The following LTB variants were observed in gnomAD, a reference collection of about 807,000 sequenced individuals.
LTB encodes lymphotoxin beta, also known as lymphotoxin-beta.
LTB carries 17 observed loss-of-function variants against 14.7 expected under a neutral mutation model. That is an observed-to-expected ratio of 1.16 (90% CI 0.79 to 1.73). The LOEUF is 1.73. LTB is among the 40% of genes most tolerant of loss of function. LTB has a pLI of 0.00. For synonymous variants in LTB, 163 were observed against 157.3 expected (o/e 1.04, Z -0.27); for missense variants, 288 against 324.3 (o/e 0.89, Z 0.86).
In LTB at chr6:31,580,972, T is replaced by C; in HGVS notation, c.472A>G (p.Thr158Ala). The change falls in exon 4 of 4, where the codon ACG (threonine) becomes GCG (alanine). Residue 158 changes from threonine to alanine, a missense_variant. Around this residue, in one of 2 missense-constraint regions of LTB, gnomAD observed 284 missense variants for 299.2 expected, o/e 0.95. Transcript: ENST00000429299. This position sits in a 1 kb window ranked among gnomAD's most constrained non-coding sequence, Gnocchi z 6.6. Reference sequence around the variant, plus strand: ...GCCCGGTACAGAGAGCTGCGCAGCGTGACCGAGCGGCCCTGGGGGTCCCCG... The same window carrying C: ...GCCCGGTACAGAGAGCTGCGCAGCGCGACCGAGCGGCCCTGGGGGTCCCCG... The part of the protein sequence containing the change: ...GGGDPQGRSV[T>A]LRSSLYRAGG... 1 of 1,565,082 alleles carries C rather than the reference T, an allele frequency of 6.4e-7. No homozygotes were observed. The highest frequency in any genetic ancestry group is 1.2e-5 in the South Asian group (1 of 86,386).
intron 2 of LTB, 42 bp from the exon 3 acceptor site, chr6:31,581,672 A>T (rs527721339): frequency 6.3e-7 from 1 of 1,596,580 alleles, no homozygotes; most frequent in Admixed American, 1.7e-5. Flanking sequence ...CAGGGCAGCC[A>T]CCCATGCAGG....
At position 31,581,828 on chromosome 6, in the gene LTB, G is replaced by T. The variant is rs566235016; in HGVS notation, c.194C>A (p.Ala65Asp). Residue 65 changes from alanine (A) to aspartate (D), a missense_variant, in exon 2 of 4, where the codon GCC (alanine) becomes GAC (aspartate). Ala to Asp is a moderately radical substitution (Grantham distance 126). Around this residue, in one of 2 missense-constraint regions of LTB, gnomAD observed 284 missense variants for 299.2 expected, o/e 0.95. Coordinates refer to ENST00000429299, the MANE Select transcript of LTB (RefSeq NM_002341.2). The part of the protein sequence containing the change: ...VTETADPGAQ[A>D]QQGLGFQKLP... ...TCTGCTCTTACCCAGTCCTTGCTGG[G>T]CCTGTGCCCCGGGGTCGGCCGTCTC... 9.3e-6 allele frequency: 15 copies of T among 1,605,820 alleles called. No homozygotes were observed. The Admixed American group carries it at 1.0e-4, about 11-fold the overall frequency.
At chr6:31,581,982 C>G (rs1771568315) in intron 1 of LTB, 123 bp from the exon 2 acceptor site, 4 of 1,008,292 alleles carry the variant, frequency 4.0e-6, no homozygotes, top group Admixed American at 2.4e-5. Flanking sequence ...CCAACACACA[C>G]CTCCTTAGAA....
In LTB at chr6:31,581,629, C is replaced by G. The variant is rs765766320; in HGVS notation, c.210G>C (p.Gly70=). The part of the protein sequence containing the change: ...DPGAQAQQGL[G]FQKLPEEEPE... ...GCTCCTCCTCTGGCAGCTTCTGAAA[C>G]CCTGGAAGGGGCAAAGAGTCCACGA... The change falls in exon 3 of 4, where the codon GGG becomes GGC. Residue 70 remains glycine, a splice_region_variant and synonymous_variant. Coordinates refer to ENST00000429299, the MANE Select transcript of LTB (RefSeq NM_002341.2). 1 of 1,612,936 alleles carries G rather than the reference C, an allele frequency of 6.2e-7. No homozygotes were observed. Among genetic ancestry groups the G allele is most frequent in the Non-Finnish European group, 8.5e-7 (1 of 1,179,960 alleles).
Position 31,581,863 on chromosome 6 carries a change from G to C in LTB, c.163-4C>G, listed in dbSNP as rs572578191. 6.3e-7 allele frequency: 1 copy of C among 1,585,758 alleles called. No individual in the cohort carries two copies. Among genetic ancestry groups the C allele is most frequent in the Non-Finnish European group, 8.6e-7 (1 of 1,167,998 alleles). On this transcript the variant is annotated splice_region_variant and splice_polypyrimidine_tract_variant and intron_variant, in intron 1 of 3. Transcript: ENST00000429299. ...CGGGGTCGGCCGTCTCCGTTACCTGGTTGGGTGGGGTCACAGTGCCCAGAG... is the reference window on the plus strand; with the variant it reads ...CGGGGTCGGCCGTCTCCGTTACCTGCTTGGGTGGGGTCACAGTGCCCAGAG...
Position 31,581,622 on chromosome 6 carries a change from T to G in LTB, c.217A>C (p.Lys73Gln), listed in dbSNP as rs1303905789. Residue 73 changes from lysine to glutamine, a missense_variant, in exon 3 of 4, where the codon AAG becomes CAG. By Grantham distance (53) the Lys-to-Gln change is moderately conservative. Coordinates refer to ENST00000429299, the MANE Select transcript of LTB (RefSeq NM_002341.2). ...GTTTCTGGCTCCTCCTCTGGCAGCT[T>G]CTGAAACCCTGGAAGGGGCAAAGAG... ...AQAQQGLGFQ[K>Q]LPEEEPETDL... The G allele has an allele frequency of 6.2e-7, 1 of 1,612,820 alleles. No individual in the cohort carries two copies. Among genetic ancestry groups the G allele is most frequent in the Admixed American group, 1.7e-5 (1 of 60,006 alleles).
chr6:31,581,811 T>C lies in LTB; in HGVS notation c.208+3A>G, dbSNP rs751117037. 5 of 1,610,972 alleles carry C rather than the reference T, an allele frequency of 3.1e-6. No individual in the cohort carries two copies. The highest frequency in any genetic ancestry group is 1.3e-5 in the African/African-American group (1 of 74,930). Reference sequence around the variant, plus strand: ...CGGGGAAGGAGAGACAGTCTGCTCTTACCCAGTCCTTGCTGGGCCTGTGCC... The same window carrying C: ...CGGGGAAGGAGAGACAGTCTGCTCTCACCCAGTCCTTGCTGGGCCTGTGCC... On this transcript the variant is annotated splice_donor_region_variant and intron_variant, in intron 2 of 3. Transcript: ENST00000429299.
chr6:31,581,416 CG>C, intron 3 of LTB, 142 bp downstream of exon 3: 1 of 861,682 alleles, frequency 1.2e-6, no homozygotes, highest in Non-Finnish European at 1.9e-6. Context: ...CGGGGACGAG[CG>C]TAAGAGTGGG....
rs1274399710 is a variant in LTB, at chr6:31,581,539, C to T, written c.280+20G>A. The T allele has an allele frequency of 6.2e-7, 1 of 1,608,958 alleles. No individual in the cohort carries two copies. Among genetic ancestry groups the T allele is most frequent in the Non-Finnish European group, 8.5e-7 (1 of 1,176,322 alleles). ...CCTTCGGATTATTTACACTCTTATT[C>T]AGGTCTTGGAGGTCCTTACCTATGA... On this transcript the variant is annotated intron_variant, in intron 3 of 3. Transcript: ENST00000429299.
Position 31,580,682 on chromosome 6 carries a change from G to A in LTB, c.*27C>T. ...GGGCGTCCGGGCCCCCAATATTCAC[G>A]CACTCGCACCACGCACTCATATTCC... On this transcript the variant is annotated 3_prime_UTR_variant, in exon 4 of 4. Coordinates refer to ENST00000429299, the MANE Select transcript of LTB (RefSeq NM_002341.2). This position sits in a 1 kb window ranked among gnomAD's most constrained non-coding sequence, Gnocchi z 6.6. 1.3e-6 allele frequency: 2 copies of A among 1,565,838 alleles called. No individual in the cohort carries two copies. The highest frequency in any genetic ancestry group is 1.8e-5 in the Admixed American group (1 of 56,796).
At chr6:31,581,194 G>A (rs1205978146) in intron 3 of LTB, 31 bp from the exon 4 acceptor site, 42 of 1,506,766 alleles carry the variant, frequency 2.8e-5, no homozygotes, top group Non-Finnish European at 3.6e-5. Flanking sequence ...GCGCTCTTGG[G>A]AATGCGATCC....
Position 31,580,695 on chromosome 6 carries a change from GCACT to G in LTB, c.*10_*13del. 2.5e-6 allele frequency: 4 copies of G among 1,591,886 alleles called. No homozygotes were observed. Among genetic ancestry groups the G allele is most frequent in the Non-Finnish European group, 3.4e-6 (4 of 1,165,342 alleles). ...CCCAATATTCACGCACTCGCACCAC[GCACT>G]CATATTCCCTCACCCCACCATCACG... On this transcript the variant is annotated 3_prime_UTR_variant, in exon 4 of 4. Coordinates refer to ENST00000429299, the MANE Select transcript of LTB (RefSeq NM_002341.2). The surrounding 1 kb of genome is among the most constrained non-coding windows in gnomAD (Gnocchi z 6.6).
Position 31,580,766 on chromosome 6 carries a change from G to C in LTB, c.678C>G (p.Pro226=), listed in dbSNP as rs145227210. ...TCCCTCTCGCGAAGTCCACCATATCGGGGTGACTGATGTTGACGTACACCC... is the reference window on the plus strand; with the variant it reads ...TCCCTCTCGCGAAGTCCACCATATCCGGGTGACTGATGTTGACGTACACCC... The part of the protein sequence containing the change: ...GERVYVNISH[P]DMVDFARGKT... The change falls in exon 4 of 4, where the codon CCC becomes CCG. Residue 226 remains proline (P), a synonymous_variant. Transcript: ENST00000429299. This position sits in a 1 kb window ranked among gnomAD's most constrained non-coding sequence, Gnocchi z 6.6. 13 of 1,612,968 alleles carry C rather than the reference G, an allele frequency of 8.1e-6. No homozygotes were observed. The highest frequency in any genetic ancestry group is 1.6e-4 in the Middle Eastern group (1 of 6,062).
In LTB at chr6:31,581,010, G is replaced by A; in HGVS notation, c.434C>T (p.Ala145Val). The A allele has an allele frequency of 6.4e-7, 1 of 1,569,302 alleles. No homozygotes were observed. The highest frequency in any genetic ancestry group is 8.6e-7 in the Non-Finnish European group (1 of 1,157,344). Reference protein sequence around the residue: ...LYCLVGYRGRAPPGGGDPQGR... With the variant: ...LYCLVGYRGRVPPGGGDPQGR... Reference sequence around the variant, plus strand: ...CTGGGGGTCCCCGCCGCCAGGGGGCGCCCGGCCCCGGTAGCCGACGAGACA... The same window carrying A: ...CTGGGGGTCCCCGCCGCCAGGGGGCACCCGGCCCCGGTAGCCGACGAGACA... The change falls in exon 4 of 4, where the codon GCG becomes GTG. Residue 145 changes from alanine to valine, a missense_variant. Physicochemically the swap from Ala to Val is moderately conservative, Grantham distance 64. Around this residue, in one of 2 missense-constraint regions of LTB, gnomAD observed 284 missense variants for 299.2 expected, o/e 0.95. Transcript: ENST00000429299.
rs949684616 is a variant in LTB, at chr6:31,581,794, G to C, written c.208+20C>G. 8.1e-6 allele frequency: 13 copies of C among 1,612,290 alleles called. No individual in the cohort carries two copies. In the Admixed American group the frequency reaches 8.3e-5, roughly 10 times the overall value. ...CCCCTGAGGGTCTGAAGCGGGGAAG[G>C]AGAGACAGTCTGCTCTTACCCAGTC... On this transcript the variant is annotated intron_variant, in intron 2 of 3. Transcript: ENST00000429299.
chr6:31,582,033 G>T, intron 1 of LTB, 174 bp from the exon 2 acceptor site: 2 of 776,808 alleles, frequency 2.6e-6, no homozygotes, highest in Admixed American at 2.8e-5. Flanking sequence ...CGGAGAAACA[G>T]ATGTACCTCG....
rs550621149 is a variant in LTB, at chr6:31,581,500, G to T, written c.280+59C>A. The T allele has an allele frequency of 2.7e-6, 4 of 1,501,826 alleles. No individual in the cohort carries two copies. The African/African-American group carries it at 4.1e-5, about 16-fold the overall frequency. 93.0% of individuals were successfully genotyped at this position (1,501,826 alleles called of 1,614,324 possible). On this transcript the variant is annotated intron_variant, in intron 3 of 3. Coordinates refer to ENST00000429299, the MANE Select transcript of LTB (RefSeq NM_002341.2). ...ATCATGGAGCCGAAGGACTCTGGGC[G>T]AGCAGAACTGGAACCTTCGGATTAT...
chr6:31,581,211 C>T (rs1771487565), intron 3 of LTB, 48 bp from the exon 4 acceptor site: 1 of 1,482,986 alleles, frequency 6.7e-7, no homozygotes, highest in Non-Finnish European at 9.0e-7. Context: ...ATCCTAAAGG[C>T]TTGGGACTTC....
intron 2 of LTB, 24 bp from the exon 3 acceptor site, chr6:31,581,654 A>G (rs771741120): frequency 6.2e-7 from 1 of 1,611,616 alleles, no homozygotes; most frequent in African/African-American, 1.3e-5. Context: ...AGAGTCCACG[A>G]TTGGGGGCAG....
Sources: allele counts gnomAD v4.1 joint callset, GRCh38; gene constraint gnomAD v4.1.1; regional missense constraint gnomAD v4.1.1; non-coding constraint Gnocchi (gnomAD v3.1); transcripts MANE v1.5; gene names NCBI Gene and HGNC (gene_info 2026-07-23, HGNC 2026-07-21).